ERICH3: variants seen among roughly 807,000 people sequenced by gnomAD.
ERICH3 encodes glutamate rich 3.
In ERICH3, 126 loss-of-function variants were observed where a neutral mutation model predicts 131.1. The observed-to-expected ratio is 0.96, with a 90% CI of 0.83 to 1.11. The LOEUF (loss-of-function observed/expected upper bound fraction) is 1.11. Ranked by LOEUF, ERICH3 falls within the 50% of genes most tolerant of loss-of-function variation. The pLI, the probability that ERICH3 is intolerant of heterozygous loss-of-function variation, is 0.00. For missense variants in ERICH3, 2,050 were observed against 1,810.7 expected (o/e 1.13, Z -2.40); for synonymous variants, 695 against 644.6 (o/e 1.08, Z -1.18).
Position 74,572,081 on chromosome 1 carries a change from T to G in ERICH3, c.3629A>C (p.Gln1210Pro). 4 of 1,614,218 alleles carry G rather than the reference T, an allele frequency of 2.5e-6. No individual in the cohort carries two copies. Among genetic ancestry groups the G allele is most frequent in the Non-Finnish European group, 2.5e-6 (3 of 1,180,024 alleles). Reference protein sequence around the residue: ...ENRALKEGHRQDGEGALAAPE... With the variant: ...ENRALKEGHRPDGEGALAAPE... The stretch of plus-strand genomic sequence containing the variant: ...AGCTGCTAAGGCCCCCTCTCCATCT[T>G]GGCGGTGCCCTTCCTTCAGGGCCCT... Residue 1210 changes from glutamine to proline, a missense_variant, in exon 14 of 15, where the codon CAA becomes CCA. Transcript: ENST00000326665.
chr1:74,618,384 T>C (rs1169813344), intron 8 of ERICH3, among the ~76,000 whole-genome samples: 1 of 151,996 alleles, frequency 6.6e-6, no homozygotes, highest in East Asian at 1.9e-4. Flanking sequence ...GGAAAAATAA[T>C]AGTGCGTATG....
In ERICH3 at chr1:74,641,474, C is replaced by A. The variant is rs1570900227; in HGVS notation, c.316-15G>T. ...GTGTGCTCTCCCTAGAATAAGAAAG[C>A]AATTTAGCAAATAGATGCATAGTTA... On this transcript the variant is annotated splice_polypyrimidine_tract_variant and intron_variant, in intron 4 of 14. Transcript: ENST00000326665. 3 of 1,607,672 alleles carry A rather than the reference C, an allele frequency of 1.9e-6. No individual in the cohort carries two copies. The highest frequency in any genetic ancestry group is 2.2e-5 in the South Asian group (2 of 90,164).
At position 74,599,901 on chromosome 1, in the gene ERICH3, T is replaced by C. The variant is rs1305676911; in HGVS notation, c.1520A>G (p.Glu507Gly). 7 of 1,611,184 alleles carry C rather than the reference T, an allele frequency of 4.3e-6. No homozygotes were observed. The change falls in exon 11 of 15, where the codon GAG becomes GGG. Residue 507 changes from glutamate to glycine, a missense_variant. Transcript: ENST00000326665. ...EYEEDFEVDE[E>G]KQGEKSNEEG... ...TTCATTAGATTTTTCACCTTGTTTC[T>C]CCTCATCTACTTCAAAGTCTTCTTC...
rs549564600 is a variant in ERICH3, at chr1:74,649,264, A to T, written c.75T>A (p.Phe25Leu). Residue 25 changes from phenylalanine (F) to leucine (L), a missense_variant, in exon 2 of 15, where the codon TTT (phenylalanine) becomes TTA (leucine). By Grantham distance (22) the Phe-to-Leu change is conservative. Transcript: ENST00000326665. ...GATGACGCCTTATCCTTGTATTGTTAAAATACCCAGCCAGGTGTTTATCCA... is the reference window on the plus strand; with the variant it reads ...GATGACGCCTTATCCTTGTATTGTTTAAATACCCAGCCAGGTGTTTATCCA... ...SLMDKHLAGYFNNTRIRRHLL... is the reference protein window; with the variant it reads ...SLMDKHLAGYLNNTRIRRHLL... 1 of 1,612,728 alleles carries T rather than the reference A, an allele frequency of 6.2e-7. No homozygotes were observed. The highest frequency in any genetic ancestry group is 1.1e-5 in the South Asian group (1 of 90,990).
At chr1:74,631,137 G>T (rs1361803736) in intron 7 of ERICH3, among the ~76,000 whole-genome samples, 1 of 151,986 alleles carries the variant, frequency 6.6e-6, no homozygotes, top group Non-Finnish European at 1.5e-5. Context: ...GCTATTGGTT[G>T]TATATTTAAC....
chr1:74,590,373 T>C lies in ERICH3; in HGVS notation c.1727-293A>G, dbSNP rs151145290. Among the ~76,000 whole-genome samples the C allele has an allele frequency of 8.9e-3, 1,348 of 152,284 alleles. 19 individuals carry two copies. The highest frequency in any genetic ancestry group is 0.03 in the African/African-American group (1,267 of 41,548). ...TATTTCCATTATTATTACATTGTAA[T>C]ATATAATGAAGTAATTATACAACTG... On this transcript the variant is annotated intron_variant, in intron 11 of 14. Coordinates refer to ENST00000326665, the MANE Select transcript of ERICH3 (RefSeq NM_001002912.5).
intron 1 of ERICH3, among the ~76,000 whole-genome samples, chr1:74,663,757 C>A (rs1238787179): frequency 6.6e-6 from 1 of 151,676 alleles, no homozygotes; most frequent in Non-Finnish European, 1.5e-5. Flanking sequence ...AAAAATGTTG[C>A]CCCAAGTCCT....
chr1:74,665,657 T>G (rs1398952655), intron 1 of ERICH3, among the ~76,000 whole-genome samples: 1 of 152,218 alleles, frequency 6.6e-6, no homozygotes, highest in Non-Finnish European at 1.5e-5. Context: ...CAGGTCTCTC[T>G]TTTTGGTTTG....
At position 74,571,357 on chromosome 1, in the gene ERICH3, C is replaced by A; in HGVS notation, c.4353G>T (p.Gly1451=). ...TSGLGQEQEE[G]SEGQEAATGS... is the part of the protein sequence containing the mutation. The stretch of plus-strand genomic sequence containing the variant: ...CAGTGGCTGCCTCCTGGCCCTCTGA[C>A]CCTTCCTCTTGCTCCTGTCCTAGCC... Residue 1451 remains glycine (G), a synonymous_variant, in exon 14 of 15, where the codon GGG becomes GGT. Coordinates refer to ENST00000326665, the MANE Select transcript of ERICH3 (RefSeq NM_001002912.5). The A allele has an allele frequency of 6.2e-7, 1 of 1,614,022 alleles. No homozygotes were observed. Among genetic ancestry groups the A allele is most frequent in the Non-Finnish European group, 8.5e-7 (1 of 1,180,000 alleles).
chr1:74,651,397 G>A (rs534293433), intron 1 of ERICH3, among the ~76,000 whole-genome samples: 23 of 152,228 alleles, frequency 1.5e-4, no homozygotes, highest in Non-Finnish European at 2.9e-4. Context: ...TATGTAAAAA[G>A]ACAACCCAAG....
At chr1:74,597,973 T>A (rs948144283) in intron 11 of ERICH3, among the ~76,000 whole-genome samples, 59 of 152,028 alleles carry the variant, frequency 3.9e-4, no homozygotes, top group African/African-American at 1.4e-3. Context: ...CATTACTTAC[T>A]TATGCTGTAG....
Position 74,592,703 on chromosome 1 carries a change from A to T in ERICH3, c.1727-2623T>A, listed in dbSNP as rs374640424. Reference sequence around the variant, plus strand: ...AGTCCTTCAGAGGAGAAAGATCAGGAGAATGAATGGCCTCGAAGTGGCCAG... The same window carrying T: ...AGTCCTTCAGAGGAGAAAGATCAGGTGAATGAATGGCCTCGAAGTGGCCAG... On this transcript the variant is annotated intron_variant, in intron 11 of 14. Transcript: ENST00000326665. 3.9e-5 allele frequency among the ~76,000 whole-genome samples: 6 copies of T among 152,310 alleles called. No individual in the cohort carries two copies. The South Asian group carries it at 1.2e-3, about 32-fold the overall frequency.
intron 1 of ERICH3, among the ~76,000 whole-genome samples, chr1:74,667,980 CTT>C (rs1228666442): frequency 1.3e-5 from 2 of 152,148 alleles, no homozygotes; most frequent in African/African-American, 4.8e-5. Flanking sequence ...TGGCACTTCC[CTT>C]TCACTTGCTT....
At chr1:74,601,985 C>A (rs1054931533) in intron 10 of ERICH3, among the ~76,000 whole-genome samples, 2 of 151,786 alleles carry the variant, frequency 1.3e-5, no homozygotes, top group East Asian at 3.9e-4. Context: ...TAGTAGTAAT[C>A]GTCCTTGTGA....
chr1:74,660,775 G>A (rs984797854), intron 1 of ERICH3, among the ~76,000 whole-genome samples: 13 of 151,216 alleles, frequency 8.6e-5, no homozygotes, highest in Non-Finnish European at 1.6e-4. Flanking sequence ...TAGTCTTTGG[G>A]TATTTCCACA....
intron 12 of ERICH3, among the ~76,000 whole-genome samples, chr1:74,588,481 T>C (rs1268763608): frequency 6.6e-6 from 1 of 152,196 alleles, no homozygotes; most frequent in Non-Finnish European, 1.5e-5. Flanking sequence ...CAATTCCTAG[T>C]AGACCCCAGT....
chr1:74,572,535 C>A lies in ERICH3; in HGVS notation c.3175G>T (p.Glu1059Ter). The A allele has an allele frequency of 6.2e-7, 1 of 1,614,096 alleles. No individual in the cohort carries two copies. The highest frequency in any genetic ancestry group is 8.5e-7 in the Non-Finnish European group (1 of 1,180,014). The change falls in exon 14 of 15, where the codon GAG becomes TAG. Residue 1059 changes from glutamate to a stop codon, truncating the protein, a stop_gained. Transcript: ENST00000326665. LOFTEE classifies it high-confidence loss of function. ...TTTGGCCTCTCAGCTTTCCTTCGCT[C>A]TCTTGCTAAATCTAATTCCTTGGGT... ...ILPKELDLAR[E>*]RRKAERPKTS...
chr1:74,635,864 T>C (rs1304026661), intron 6 of ERICH3, among the ~76,000 whole-genome samples: 1 of 152,202 alleles, frequency 6.6e-6, no homozygotes, highest in Non-Finnish European at 1.5e-5. Context: ...TTTCATACAT[T>C]GATGGGAAAG....
At chr1:74,579,367 C>T (rs1647135610) in intron 12 of ERICH3, 1 of 983,034 alleles carries the variant, frequency 1.0e-6, no homozygotes, top group Non-Finnish European at 1.2e-6. Context: ...TATAAGAAGC[C>T]AAACAATACT....
Sources: gnomAD v4.1 joint callset for allele counts (sites outside exome capture counted in the v4.1 genomes callset) on GRCh38, gnomAD v4.1.1 for gene constraint, MANE v1.5 for transcripts, NCBI Gene and HGNC (gene_info 2026-07-23, HGNC 2026-07-21) for gene names.